Variants in PPP1R1C observed in about 807,000 individuals in gnomAD.
PPP1R1C encodes protein phosphatase 1 regulatory inhibitor subunit 1C.
In PPP1R1C, 15 loss-of-function variants were observed where a neutral mutation model predicts 17.4. The ratio of observed to expected loss-of-function variants is 0.86; its 90% CI spans 0.58 to 1.33. The LOEUF is 1.33. Ranked by LOEUF, PPP1R1C falls within the 40% of genes most tolerant of loss-of-function variation. PPP1R1C has a pLI of 0.00. For synonymous variants in PPP1R1C, 35 were observed against 43.1 expected (o/e 0.81, Z 0.73); for missense variants, 143 against 130.0 (o/e 1.10, Z -0.48).
chr2:182,061,489 T>TA lies in PPP1R1C; in HGVS notation c.180+15dup. ...CAACACACAAGGGGAAGTAAGTTTT[T>TA]AAAAATATTTTGTATAAATGTGTTC... On this transcript the variant is annotated intron_variant, in intron 3 of 4. Transcript: ENST00000682840. 1.4e-6 allele frequency: 2 copies of TA among 1,458,612 alleles called. No individual in the cohort carries two copies. The highest frequency in any genetic ancestry group is 1.4e-5 in the South Asian group (1 of 70,912). The allele number at this position is 1,458,612 out of a possible 1,614,324, so 90.4% of individuals were successfully genotyped here. A position where few individuals can be genotyped will look rare whatever the true frequency, so the allele number is the denominator to read the frequency against.
upstream of PPP1R1C, among the ~76,000 whole-genome samples, chr2:181,983,145 A>G (rs1480122574): frequency 1.3e-5 from 2 of 152,084 alleles, no homozygotes; most frequent in Non-Finnish European, 2.9e-5. Flanking sequence ...AGAACCTCTA[A>G]CCACTGCGGA....
intron 2 of PPP1R1C, among the ~76,000 whole-genome samples, chr2:181,999,834 C>T (rs1574365129): frequency 6.6e-6 from 1 of 151,820 alleles, no homozygotes; most frequent in South Asian, 2.1e-4. Flanking sequence ...ATTATTCCCT[C>T]TTAGAGATGA....
chr2:182,019,296 C>T (rs541622788), intron 2 of PPP1R1C, among the ~76,000 whole-genome samples: 12 of 152,302 alleles, frequency 7.9e-5, no homozygotes, highest in African/African-American at 2.6e-4. Context: ...TGTGGGCCCT[C>T]CAGCCCCATG....
chr2:181,997,264 C>G (rs1049633623), intron 2 of PPP1R1C, among the ~76,000 whole-genome samples: 11 of 150,196 alleles, frequency 7.3e-5, no homozygotes, highest in Non-Finnish European at 1.5e-4. Flanking sequence ...GACATATACA[C>G]AAATATTTAC....
chr2:182,067,290 A>G (rs1035349416), intron 4 of PPP1R1C, among the ~76,000 whole-genome samples: 2 of 151,976 alleles, frequency 1.3e-5, no homozygotes, highest in African/African-American at 4.8e-5. Context: ...GTATGCTTAC[A>G]GCATTTTAAC....
At chr2:182,122,165 G>A (rs1213491082), downstream of PPP1R1C, among the ~76,000 whole-genome samples, 3 of 151,900 alleles carry the variant, frequency 2.0e-5, no homozygotes, top group South Asian at 2.1e-4. Flanking sequence ...TCTATTGGAC[G>A]ATAATTTTGT....
At chr2:182,129,570 A>G (rs529664192) in exon 6 of PPP1R1C, 4 of 152,158 alleles carry the variant, frequency 2.6e-5, no homozygotes, top group Admixed American at 6.6e-5. Context: ...TCAATTATTT[A>G]TAATTAATTA....
intron 4 of PPP1R1C, among the ~76,000 whole-genome samples, chr2:182,100,684 G>A (rs942305745): frequency 6.6e-6 from 1 of 152,142 alleles, no homozygotes; most frequent in Non-Finnish European, 1.5e-5. Context: ...CTGAACCTCA[G>A]GAAATAAAGG....
At chr2:181,968,029 A>G (rs1559040311) in intron 1 of PPP1R1C, among the ~76,000 whole-genome samples, 1 of 152,162 alleles carries the variant, frequency 6.6e-6, no homozygotes, top group Non-Finnish European at 1.5e-5. Flanking sequence ...ATCGATTTCT[A>G]GTTTTACTCC....
downstream of PPP1R1C, among the ~76,000 whole-genome samples, chr2:182,122,734 A>G (rs573143481): frequency 3.7e-4 from 56 of 152,318 alleles, no homozygotes; most frequent in South Asian, 0.011. Context: ...AAGAAAAAAA[A>G]GAAAAAATAT....
At chr2:181,990,535 T>C (rs79466325) in intron 2 of PPP1R1C, among the ~76,000 whole-genome samples, 7,554 of 152,298 alleles carry the variant, frequency 0.05, 285 homozygotes, top group Middle Eastern at 0.082. Context: ...AGAGTTACCA[T>C]GAACATGACT....
At chr2:182,079,438 G>C (rs1215040217) in intron 4 of PPP1R1C, among the ~76,000 whole-genome samples, 1 of 152,080 alleles carries the variant, frequency 6.6e-6, no homozygotes, top group Non-Finnish European at 1.5e-5. Flanking sequence ...TTTATTATCA[G>C]GTAATAAAAA....
intron 2 of PPP1R1C, among the ~76,000 whole-genome samples, chr2:182,002,743 A>C (rs1685802069): frequency 6.6e-6 from 1 of 152,124 alleles, no homozygotes. Flanking sequence ...ACTGATTTAC[A>C]TGCTTTAAAA....
At chr2:182,063,912 C>G in intron 4 of PPP1R1C, 121 bp downstream of exon 4, 1 of 788,444 alleles carries the variant, frequency 1.3e-6, no homozygotes, top group Non-Finnish European at 2.3e-6. Flanking sequence ...TACAACTTAA[C>G]AGTGTTATGT....
At chr2:182,104,163 ACTT>A (rs1429962787) in intron 4 of PPP1R1C, among the ~76,000 whole-genome samples, 1 of 152,190 alleles carries the variant, frequency 6.6e-6, no homozygotes, top group Non-Finnish European at 1.5e-5. Flanking sequence ...GGGCAATTTA[ACTT>A]CTTCCTTTCT....
chr2:182,062,303 T>C (rs1687873738), intron 3 of PPP1R1C, among the ~76,000 whole-genome samples: 1 of 152,244 alleles, frequency 6.6e-6, no homozygotes, highest in East Asian at 1.9e-4. Context: ...CTTACATAAA[T>C]ATAAATTAGT....
At chr2:182,082,254 C>T (rs1007911743) in intron 4 of PPP1R1C, among the ~76,000 whole-genome samples, 3 of 152,108 alleles carry the variant, frequency 2.0e-5, no homozygotes, top group African/African-American at 7.2e-5. Flanking sequence ...AATTGGAAGT[C>T]ATTTGCATTT....
intron 2 of PPP1R1C, among the ~76,000 whole-genome samples, chr2:182,034,384 T>A (rs568247624): frequency 6.6e-6 from 1 of 151,984 alleles, no homozygotes; most frequent in African/African-American, 2.4e-5. Context: ...GTGCAAAATA[T>A]GGAAGAGATA....
chr2:182,058,111 T>C (rs1687743469), intron 2 of PPP1R1C, among the ~76,000 whole-genome samples: 1 of 152,124 alleles, frequency 6.6e-6, no homozygotes, highest in East Asian at 1.9e-4. Flanking sequence ...CCATAGTTTA[T>C]TGAGATAGTT....
Sources: allele counts gnomAD v4.1 joint callset (sites outside exome capture counted in the v4.1 genomes callset), GRCh38; gene constraint gnomAD v4.1.1; transcripts MANE v1.5; gene names NCBI Gene and HGNC (gene_info 2026-07-23, HGNC 2026-07-21).